The following NRXN1 variants were observed in gnomAD, a reference collection of about 807,000 sequenced individuals.
The protein encoded by NRXN1 is neurexin 1, also known as neurexin-1.
A neutral mutation model predicts 150.9 loss-of-function variants in NRXN1; 39 were observed. The observed-to-expected ratio is 0.26, with a 90% CI of 0.20 to 0.34. The LOEUF (loss-of-function observed/expected upper bound fraction) is 0.34. Among genes scored for constraint, NRXN1 ranks in the 10% least tolerant of loss-of-function variants. The probability of loss-of-function intolerance (pLI) is 1.00; values close to 1 mark genes in which losing one functional copy is unlikely to be tolerated. For missense variants in NRXN1, 1,815 were observed against 1,949.9 expected, an observed-to-expected ratio of 0.93 and a Z score of 1.30; for synonymous variants, 924 against 757.0, an observed-to-expected ratio of 1.22 and a Z score of -3.62.
intron 2 of NRXN1, among the ~76,000 whole-genome samples, chr2:50,950,140 T>C (rs1691068157): frequency 6.6e-6 from 1 of 152,182 alleles, no homozygotes; most frequent in Admixed American, 6.6e-5. Context: ...TTTCTTTTTT[T>C]CCATAGTAAT....
At position 50,837,497 on chromosome 2, in the gene NRXN1, A is replaced by G. The variant is rs746111525; in HGVS notation, c.832+84372T>C. ...TCATTTTCTTTCTTGCAAAACTGGG[A>G]AAATCAATTTTAACTTATGACGCTA... On this transcript the variant is annotated intron_variant, in intron 5 of 22. Coordinates refer to ENST00000401669, the MANE Select transcript of NRXN1 (RefSeq NM_001330078.2). Among the ~76,000 whole-genome samples the G allele has an allele frequency of 4.5e-4, 68 of 152,228 alleles. No homozygotes were observed. In the Middle Eastern group the frequency reaches 0.02, roughly 46 times the overall value.
chr2:50,749,750 A>G (rs1045140080), intron 5 of NRXN1, among the ~76,000 whole-genome samples: 3 of 152,072 alleles, frequency 2.0e-5, no homozygotes, highest in Non-Finnish European at 4.4e-5. Context: ...TCTGAAAATA[A>G]CCTCAAAGGT....
At chr2:50,614,180 C>A (rs1236280440) in intron 8 of NRXN1, among the ~76,000 whole-genome samples, 2 of 151,954 alleles carry the variant, frequency 1.3e-5, no homozygotes, top group Non-Finnish European at 2.9e-5. Context: ...AAGTCAGGGA[C>A]CTCAACAAGG....
At chr2:50,383,569 G>C (rs1249389537) in intron 17 of NRXN1, among the ~76,000 whole-genome samples, 1 of 152,040 alleles carries the variant, frequency 6.6e-6, no homozygotes, top group Non-Finnish European at 1.5e-5. Context: ...TATATTTTAA[G>C]GATTCCCTTC....
intron 2 of NRXN1, among the ~76,000 whole-genome samples, chr2:50,998,669 G>A (rs532158464): frequency 6.6e-6 from 1 of 151,904 alleles, no homozygotes; most frequent in Non-Finnish European, 1.5e-5. Context: ...ATTAATGTTA[G>A]GATTAGAATA....
At chr2:50,505,919 C>T (rs1447570959) in intron 13 of NRXN1, among the ~76,000 whole-genome samples, 3 of 152,036 alleles carry the variant, frequency 2.0e-5, no homozygotes, top group Non-Finnish European at 4.4e-5. Flanking sequence ...TGAGGCTTTC[C>T]TATGTTTCTA....
chr2:50,796,196 A>G (rs970822212), intron 5 of NRXN1, among the ~76,000 whole-genome samples: 1 of 152,140 alleles, frequency 6.6e-6, no homozygotes, highest in Non-Finnish European at 1.5e-5. Flanking sequence ...GCATGTTCAA[A>G]TACTCCTAAA....
chr2:50,201,220 A>C (rs569205443), intron 18 of NRXN1, among the ~76,000 whole-genome samples: 6 of 152,350 alleles, frequency 3.9e-5, no homozygotes, highest in Middle Eastern at 3.4e-3. Flanking sequence ...AGGAGCATAA[A>C]AAACACAATA....
intron 5 of NRXN1, among the ~76,000 whole-genome samples, chr2:50,741,394 T>A (rs1356347070): frequency 6.6e-6 from 1 of 152,182 alleles, no homozygotes; most frequent in Non-Finnish European, 1.5e-5. Context: ...GTTCTACACA[T>A]CTGTATTCTC....
intron 5 of NRXN1, among the ~76,000 whole-genome samples, chr2:50,673,973 A>G (rs1689200851): frequency 6.6e-6 from 1 of 152,116 alleles, no homozygotes; most frequent in African/African-American, 2.4e-5. Context: ...GGGGAGGCAT[A>G]GCATAATGAG....
At chr2:50,124,365 T>C (rs1398858039) in intron 18 of NRXN1, among the ~76,000 whole-genome samples, 2 of 152,184 alleles carry the variant, frequency 1.3e-5, no homozygotes, top group Non-Finnish European at 2.9e-5. Context: ...TTGAAAGTTA[T>C]TTTATACTTA....
chr2:50,178,949 C>T (rs1254956319), intron 18 of NRXN1, among the ~76,000 whole-genome samples: 1 of 152,042 alleles, frequency 6.6e-6, no homozygotes, highest in Non-Finnish European at 1.5e-5. Flanking sequence ...TTTCAAAGTG[C>T]TCTTTGTAAA....
intron 1 of NRXN1, among the ~76,000 whole-genome samples, chr2:51,031,407 A>G (rs772348267): frequency 5.3e-5 from 8 of 152,140 alleles, no homozygotes; most frequent in Non-Finnish European, 1.2e-4. Flanking sequence ...TATCACACAC[A>G]CATACACACC....
intron 22 of NRXN1, among the ~76,000 whole-genome samples, chr2:49,935,814 G>A (rs901111222): frequency 6.6e-6 from 1 of 152,146 alleles, no homozygotes; most frequent in African/African-American, 2.4e-5. Flanking sequence ...ACAAGACAAC[G>A]TGACTTTATC....
At chr2:50,219,580 G>A (rs1559114119) in intron 18 of NRXN1, among the ~76,000 whole-genome samples, 2 of 151,510 alleles carry the variant, frequency 1.3e-5, no homozygotes, top group South Asian at 4.1e-4. Flanking sequence ...TCTCATACTA[G>A]TGTCTCACTT....
intron 18 of NRXN1, among the ~76,000 whole-genome samples, chr2:50,163,592 A>G (rs1210668686): frequency 6.6e-6 from 1 of 152,132 alleles, no homozygotes; most frequent in Non-Finnish European, 1.5e-5. Context: ...TATGGTTTTT[A>G]CAGTTAAGGA....
intron 19 of NRXN1, among the ~76,000 whole-genome samples, chr2:50,059,729 C>G (rs1016885800): frequency 2.6e-5 from 4 of 152,162 alleles, no homozygotes; most frequent in African/African-American, 9.7e-5. Context: ...TGCATCCTAG[C>G]TGTGGCTAAA....
intron 13 of NRXN1, among the ~76,000 whole-genome samples, chr2:50,502,795 T>G (rs1002973313): frequency 6.6e-5 from 10 of 151,770 alleles, no homozygotes; most frequent in African/African-American, 9.7e-5. Flanking sequence ...GTAGATACAT[T>G]TACATGTATG....
intron 8 of NRXN1, among the ~76,000 whole-genome samples, chr2:50,617,478 T>C (rs966479488): frequency 1.3e-5 from 2 of 151,310 alleles, no homozygotes; most frequent in South Asian, 2.1e-4. Flanking sequence ...TTTTGATTTA[T>C]AGATTAATTG....
Sources: allele counts gnomAD v4.1 joint callset (sites outside exome capture counted in the v4.1 genomes callset), GRCh38; gene constraint gnomAD v4.1.1; transcripts MANE v1.5; gene names NCBI Gene and HGNC (gene_info 2026-07-23, HGNC 2026-07-21).